Variants in PTPRT observed in about 807,000 individuals in gnomAD.
PTPRT encodes the protein protein tyrosine phosphatase receptor type T, also known as receptor-type tyrosine-protein phosphatase T.
Under a neutral mutation model 176.8 loss-of-function variants are expected in PTPRT, and 56 were observed. The ratio of observed to expected loss-of-function variants is 0.32; its 90% CI spans 0.26 to 0.40. PTPRT has a LOEUF of 0.40. Among genes scored for constraint, PTPRT ranks in the 10% least tolerant of loss-of-function variants. The probability of loss-of-function intolerance (pLI) is 1.00; values close to 1 mark genes in which losing one functional copy is unlikely to be tolerated. For synonymous variants in PTPRT, 783 were observed against 739.0 expected (o/e 1.06, Z -0.96); for missense variants, 1,540 against 1,908.2 (o/e 0.81, Z 3.60).
intron 1 of PTPRT, among the ~76,000 whole-genome samples, chr20:42,891,909 A>C (rs2079200165): frequency 6.6e-6 from 1 of 152,194 alleles, no homozygotes; most frequent in African/African-American, 2.4e-5. Flanking sequence ...GACAGTAAAT[A>C]TTTTCAGCTC....
At chr20:42,104,766 C>T (rs762248620) in intron 24 of PTPRT, 48 bp from the exon 25 acceptor site, 1 of 1,510,658 alleles carries the variant, frequency 6.6e-7, no homozygotes, top group East Asian at 2.3e-5. Flanking sequence ...AGAACAGTGG[C>T]CTGGGAATTA....
chr20:42,891,002 G>A (rs2079182909), intron 1 of PTPRT, among the ~76,000 whole-genome samples: 1 of 152,148 alleles, frequency 6.6e-6, no homozygotes, highest in South Asian at 2.1e-4. Context: ...TGTAAGATGT[G>A]CCTTTCACCT....
intron 16 of PTPRT, among the ~76,000 whole-genome samples, chr20:42,185,108 T>C (rs1990721542): frequency 1.3e-5 from 2 of 152,120 alleles, no homozygotes. Context: ...ACATCTTGGC[T>C]GCCAGGACAA....
intron 6 of PTPRT, among the ~76,000 whole-genome samples, chr20:42,748,716 G>C (rs938871132): frequency 9.2e-5 from 14 of 152,086 alleles, no homozygotes; most frequent in Non-Finnish European, 2.1e-4. Context: ...GGGGAGCGGG[G>C]GGTTACATCC....
At chr20:42,617,162 T>C (rs1297521055) in intron 7 of PTPRT, among the ~76,000 whole-genome samples, 1 of 137,358 alleles carries the variant, frequency 7.3e-6, no homozygotes, top group Non-Finnish European at 1.5e-5. Context: ...TTGTTGAATT[T>C]TGTCAAAGGC....
chr20:42,336,990 G>C (rs986562160), intron 11 of PTPRT, among the ~76,000 whole-genome samples: 1 of 152,074 alleles, frequency 6.6e-6, no homozygotes, highest in Middle Eastern at 3.2e-3. Flanking sequence ...AGGGGGCCTC[G>C]CAGCTACTTC....
chr20:42,661,026 A>G (rs1266345511), intron 7 of PTPRT, among the ~76,000 whole-genome samples: 1 of 151,884 alleles, frequency 6.6e-6, no homozygotes, highest in Non-Finnish European at 1.5e-5. Flanking sequence ...TAATTTTTGC[A>G]TTTTAGTAGA....
At chr20:42,521,114 GACCT>G (rs746845400) in intron 7 of PTPRT, among the ~76,000 whole-genome samples, 1 of 149,270 alleles carries the variant, frequency 6.7e-6, no homozygotes, top group Admixed American at 6.6e-5. Context: ...CCTACCTAGT[GACCT>G]ACCTACCTAC....
chr20:42,549,659 C>A (rs1276641147), intron 7 of PTPRT, among the ~76,000 whole-genome samples: 1 of 152,170 alleles, frequency 6.6e-6, no homozygotes, highest in Non-Finnish European at 1.5e-5. Context: ...CCTGTTTATT[C>A]ATCTGCTTAG....
intron 1 of PTPRT, among the ~76,000 whole-genome samples, chr20:43,036,691 A>G (rs1310552333): frequency 6.6e-6 from 1 of 152,228 alleles, no homozygotes; most frequent in Non-Finnish European, 1.5e-5. Flanking sequence ...ACCTTAAAAC[A>G]ATAGGCTAAC....
intron 11 of PTPRT, among the ~76,000 whole-genome samples, chr20:42,316,963 T>C (rs1412113055): frequency 6.6e-6 from 1 of 152,212 alleles, no homozygotes; most frequent in Non-Finnish European, 1.5e-5. Context: ...ACTCTTTCAC[T>C]GGCTAGATTG....
chr20:42,590,458 C>T (rs867169136), intron 7 of PTPRT, among the ~76,000 whole-genome samples: 5 of 152,144 alleles, frequency 3.3e-5, no homozygotes, highest in African/African-American at 1.2e-4. Flanking sequence ...TCTGCTTTAA[C>T]AACAGTTGAA....
rs558773787 is a variant in PTPRT, at chr20:42,646,840, C to T, written c.1153+31026G>A. Among the ~76,000 whole-genome samples, 13 of 149,056 alleles carry T rather than the reference C, an allele frequency of 8.7e-5. No homozygotes were observed. The South Asian group carries it at 2.8e-3, about 32-fold the overall frequency. On this transcript the variant is annotated intron_variant, in intron 7 of 30. Coordinates refer to ENST00000373187, the MANE Select transcript of PTPRT (RefSeq NM_007050.6). ...CAATAAATCACATGTACCTGTTCTC[C>T]TATCTCAGGCTCTATATCTAGAGAT... is the stretch of plus-strand genomic sequence containing the variant.
At position 43,108,023 on chromosome 20, in the gene PTPRT, G is replaced by T. The variant is rs1396207535; in HGVS notation, c.88+81623C>A. Among the ~76,000 whole-genome samples, 6 of 151,918 alleles carry T rather than the reference G, an allele frequency of 3.9e-5. No homozygotes were observed. In the East Asian group the frequency reaches 9.6e-4, roughly 24 times the overall value. On this transcript the variant is annotated intron_variant, in intron 1 of 30. Transcript: ENST00000373187. ...AATGTTGCATAGTGTATTTTTCAAA[G>T]ATGGTTGCAACAATATCTCCCATCT...
chr20:42,283,256 G>T (rs1466684698), intron 12 of PTPRT, among the ~76,000 whole-genome samples: 1 of 152,112 alleles, frequency 6.6e-6, no homozygotes, highest in Non-Finnish European at 1.5e-5. Flanking sequence ...CATCTCCCAG[G>T]AGGTCCTGGA....
intron 9 of PTPRT, among the ~76,000 whole-genome samples, chr20:42,433,381 C>T (rs989824972): frequency 3.9e-5 from 6 of 152,134 alleles, no homozygotes; most frequent in Admixed American, 2.0e-4. Context: ...TTCACCTATC[C>T]CCCTATCAAC....
intron 9 of PTPRT, among the ~76,000 whole-genome samples, chr20:42,445,031 T>C (rs1280312700): frequency 1.3e-5 from 2 of 152,230 alleles, no homozygotes; most frequent in African/African-American, 4.8e-5. Context: ...GTAATACCCA[T>C]AGGAATCACC....
rs192952672 is a variant in PTPRT at position 42,403,759 on chromosome 20, C to G, written c.1560+44461G>C. The stretch of plus-strand genomic sequence containing the variant: ...TCTCACCTCCACTCTTCTTCTCCAC[C>G]ACATTCGCTCACAGTAGTGATGGTT... On this transcript the variant is annotated intron_variant, in intron 9 of 30. Transcript: ENST00000373187. Among the ~76,000 whole-genome samples the G allele has an allele frequency of 2.1e-3, 326 of 152,176 alleles. 3 individuals carry two copies. The highest frequency in any genetic ancestry group is 1.3e-3 in the Non-Finnish European group (85 of 67,994).
intron 13 of PTPRT, among the ~76,000 whole-genome samples, chr20:42,266,860 G>GC (rs1555811361): frequency 1.3e-5 from 2 of 152,168 alleles, no homozygotes; most frequent in Non-Finnish European, 2.9e-5. Flanking sequence ...CGTACTTAGA[G>GC]CACTTGAAAG....
Sources: gnomAD v4.1 joint callset for allele counts (sites outside exome capture counted in the v4.1 genomes callset) on GRCh38, gnomAD v4.1.1 for gene constraint, MANE v1.5 for transcripts, NCBI Gene and HGNC (gene_info 2026-07-23, HGNC 2026-07-21) for gene names.